The following C3AR1 variants were observed in gnomAD, a reference collection of about 807,000 sequenced individuals.
C3AR1 encodes the protein complement C3a receptor 1.
For missense variants in C3AR1, 579 were observed against 583.5 expected (o/e 0.99, Z 0.08); for synonymous variants, 208 against 225.3 (o/e 0.92, Z 0.69).
chr12:8,065,922 G>T lies in C3AR1; in HGVS notation c.-11+356C>A, dbSNP rs11567810. Among the ~76,000 whole-genome samples the T allele has an allele frequency of 3.8e-3, 561 of 147,372 alleles. 2 individuals carry two copies. Among genetic ancestry groups the T allele is most frequent in the Middle Eastern group, 6.8e-3 (2 of 294 alleles). On this transcript the variant is annotated intron_variant, in intron 1 of 1. Coordinates refer to ENST00000307637, the MANE Select transcript of C3AR1 (RefSeq NM_004054.4). ...CAGTAGCAATAAGGAATGGGCAAAA[G>T]AATAAAAAAAAGAAAGAGGAAATGG...
chr12:8,059,895 G>A lies in C3AR1; in HGVS notation c.291C>T (p.Leu97=). ...QWPYGRFLCK[L]IPSIIVLNMF... ...TGTTGAGGACAATGATGGAGGGGATGAGCTTGCATAGGAACCTGCCGTAGG... is the reference window on the plus strand; with the variant it reads ...TGTTGAGGACAATGATGGAGGGGATAAGCTTGCATAGGAACCTGCCGTAGG... The change falls in exon 2 of 2, where the codon CTC becomes CTT. Residue 97 remains leucine, a synonymous_variant. Transcript: ENST00000307637. 6.2e-7 allele frequency: 1 copy of A among 1,614,188 alleles called. No homozygotes were observed. Among genetic ancestry groups the A allele is most frequent in the Non-Finnish European group, 8.5e-7 (1 of 1,180,030 alleles).
At position 8,058,967 on chromosome 12, in the gene C3AR1, T is replaced by C; in HGVS notation, c.1219A>G (p.Thr407Ala). 1 of 1,613,612 alleles carries C rather than the reference T, an allele frequency of 6.2e-7. No individual in the cohort carries two copies. Among genetic ancestry groups the C allele is most frequent in the Non-Finnish European group, 8.5e-7 (1 of 1,179,950 alleles). Residue 407 changes from threonine to alanine, a missense_variant, in exon 2 of 2, where the codon ACT (threonine) becomes GCT (alanine). Coordinates refer to ENST00000307637, the MANE Select transcript of C3AR1 (RefSeq NM_004054.4). The part of the protein sequence containing the change: ...GVLSLLTDPE[T>A]PLGKTLMSWD... Reference sequence around the variant, plus strand: ...GACATCAGAGTTTTCCCCAAGGGAGTTTCTGGGTCAGTAAGCAATGACAGG... The same window carrying C: ...GACATCAGAGTTTTCCCCAAGGGAGCTTCTGGGTCAGTAAGCAATGACAGG...
At position 8,059,798 on chromosome 12, in the gene C3AR1, A is replaced by T; in HGVS notation, c.388T>A (p.Cys130Ser). Residue 130 changes from cysteine to serine, a missense_variant, in exon 2 of 2, where the codon TGT becomes AGT. Transcript: ENST00000307637. ...RCLVVFKPIW[C>S]QNHRNVGMAC... ...ATCCCTACATTGCGATGATTCTGAC[A>T]CCAGATTGGCTTGAATACCACAAGA... 6.2e-7 allele frequency: 1 copy of T among 1,614,194 alleles called. No homozygotes were observed. The highest frequency in any genetic ancestry group is 8.5e-7 in the Non-Finnish European group (1 of 1,180,038).
Position 8,059,879 on chromosome 12 carries a change from C to T in C3AR1, c.307G>A (p.Val103Ile). Residue 103 changes from valine to isoleucine, a missense_variant, in exon 2 of 2, where the codon GTC becomes ATC. Val to Ile is a conservative substitution (Grantham distance 29). Transcript: ENST00000307637. Reference protein sequence around the residue: ...FLCKLIPSIIVLNMFASVFLL... With the variant: ...FLCKLIPSIIILNMFASVFLL... Reference sequence around the variant, plus strand: ...AAGACACTGGCAAACATGTTGAGGACAATGATGGAGGGGATGAGCTTGCAT... The same window carrying T: ...AAGACACTGGCAAACATGTTGAGGATAATGATGGAGGGGATGAGCTTGCAT... 2 of 1,614,144 alleles carry T rather than the reference C, an allele frequency of 1.2e-6. No individual in the cohort carries two copies. The highest frequency in any genetic ancestry group is 1.7e-6 in the Non-Finnish European group (2 of 1,180,026).
At chr12:8,062,485 A>G (rs1164240990) in intron 1 of C3AR1, among the ~76,000 whole-genome samples, 2 of 151,930 alleles carry the variant, frequency 1.3e-5, no homozygotes, top group Non-Finnish European at 2.9e-5. Flanking sequence ...TTATTTTTCA[A>G]CTGTCCCTAA....
chr12:8,058,781 G>T lies in C3AR1; in HGVS notation c.1405C>A (p.Pro469Thr), dbSNP rs1470025935. 2 of 1,613,930 alleles carry T rather than the reference G, an allele frequency of 1.2e-6. No individual in the cohort carries two copies. Among genetic ancestry groups the T allele is most frequent in the South Asian group, 1.1e-5 (1 of 91,066 alleles). The change falls in exon 2 of 2, where the codon CCC (proline) becomes ACC (threonine). Residue 469 changes from proline (P) to threonine (T), a missense_variant. By Grantham distance (38) the Pro-to-Thr change is conservative (BLOSUM62 -1). Transcript: ENST00000307637. The part of the protein sequence containing the change: ...SEELTRSTHC[P>T]SNNVISERNS... ...CTTTCTGAAATGACATTGTTTGAGG[G>T]ACAGTGGGTGGAACGTGTGAGCTCC...
At position 8,059,894 on chromosome 12, in the gene C3AR1, T is replaced by C. The variant is rs1469739976; in HGVS notation, c.292A>G (p.Ile98Val). The C allele has an allele frequency of 1.2e-6, 2 of 1,613,962 alleles. No homozygotes were observed. The highest frequency in any genetic ancestry group is 3.3e-5 in the Admixed American group (2 of 60,002). Residue 98 changes from isoleucine (I) to valine (V), a missense_variant, in exon 2 of 2, where the codon ATC (isoleucine) becomes GTC (valine). Ile to Val is a conservative substitution (Grantham distance 29). Coordinates refer to ENST00000307637, the MANE Select transcript of C3AR1 (RefSeq NM_004054.4). Reference protein sequence around the residue: ...WPYGRFLCKLIPSIIVLNMFA... With the variant: ...WPYGRFLCKLVPSIIVLNMFA... The stretch of plus-strand genomic sequence containing the variant: ...ATGTTGAGGACAATGATGGAGGGGA[T>C]GAGCTTGCATAGGAACCTGCCGTAG...
intron 1 of C3AR1, among the ~76,000 whole-genome samples, chr12:8,063,765 AC>A (rs1288650082): frequency 2.0e-5 from 3 of 152,128 alleles, no homozygotes; most frequent in Admixed American, 6.6e-5. Context: ...CTTATGAGAC[AC>A]CAAGGTTAAA....
At chr12:8,062,837 C>A (rs1025613112) in intron 1 of C3AR1, among the ~76,000 whole-genome samples, 1 of 150,784 alleles carries the variant, frequency 6.6e-6, no homozygotes, top group African/African-American at 2.4e-5. Flanking sequence ...TAGTAGAGAA[C>A]GGGGTTTCTC....
chr12:8,060,833 C>T (rs1049846297), intron 1 of C3AR1, among the ~76,000 whole-genome samples: 3 of 152,234 alleles, frequency 2.0e-5, no homozygotes, highest in Non-Finnish European at 4.4e-5. Flanking sequence ...CTCCTTTCTT[C>T]ACCCAGTGTG....
intron 1 of C3AR1, among the ~76,000 whole-genome samples, chr12:8,064,008 G>A (rs1233230747): frequency 6.6e-6 from 1 of 151,894 alleles, no homozygotes; most frequent in Non-Finnish European, 1.5e-5. Flanking sequence ...AGAGGTGGAG[G>A]TTGCAGTGAG....
intron 1 of C3AR1, among the ~76,000 whole-genome samples, chr12:8,063,979 C>T (rs780146794): frequency 4.6e-5 from 7 of 151,694 alleles, no homozygotes; most frequent in East Asian, 3.9e-4. Flanking sequence ...GGCTGAGGCA[C>T]GAGAATCGCT....
rs1947244920 is a variant in C3AR1 at position 8,059,594 on chromosome 12, C to G, written c.592G>C (p.Glu198Gln). 2 of 1,614,006 alleles carry G rather than the reference C, an allele frequency of 1.2e-6. No individual in the cohort carries two copies. The highest frequency in any genetic ancestry group is 2.7e-5 in the African/African-American group (2 of 74,912). Residue 198 changes from glutamate to glutamine, a missense_variant, in exon 2 of 2, where the codon GAA (glutamate) becomes CAA (glutamine). By Grantham distance (29) the Glu-to-Gln change is conservative. Transcript: ENST00000307637. Reference sequence around the variant, plus strand: ...TCTCCAGGCGGCTGAACAATGTTTTCAAGAGACCTGTTTTCTAGTGGATCT... The same window carrying G: ...TCTCCAGGCGGCTGAACAATGTTTTGAAGAGACCTGTTTTCTAGTGGATCT... ...YGDPLENRSL[E>Q]NIVQPPGEMN...
rs143152698 is a variant in C3AR1, at chr12:8,059,539, A to G, written c.647T>C (p.Phe216Ser). Residue 216 changes from phenylalanine to serine, a missense_variant, in exon 2 of 2, where the codon TTC becomes TCC. Coordinates refer to ENST00000307637, the MANE Select transcript of C3AR1 (RefSeq NM_004054.4). ...TGTCCAAGGATGATCATTTGTTTGGAAAGAGGAAGGATCTAACCTATCATT... is the reference window on the plus strand; with the variant it reads ...TGTCCAAGGATGATCATTTGTTTGGGAAGAGGAAGGATCTAACCTATCATT... ...EMNDRLDPSS[F>S]QTNDHPWTVP... 5 of 1,614,190 alleles carry G rather than the reference A, an allele frequency of 3.1e-6. No homozygotes were observed. The highest frequency in any genetic ancestry group is 2.2e-5 in the East Asian group (1 of 44,880).
intron 1 of C3AR1, among the ~76,000 whole-genome samples, chr12:8,062,723 C>A (rs1008953311): frequency 1.3e-5 from 2 of 152,150 alleles, no homozygotes; most frequent in Non-Finnish European, 2.9e-5. Context: ...TGGCTCACTG[C>A]AACCTCCTCC....
rs11567798 is a variant in C3AR1 at position 8,063,173 on chromosome 12, A to G, written c.-10-2978T>C. ...GGGTTTCACCATGTTAGCCAGGATG[A>G]TCTTGATTTCCTGACCTGGTGATCC... On this transcript the variant is annotated intron_variant, in intron 1 of 1. Transcript: ENST00000307637. 9.5e-3 allele frequency among the ~76,000 whole-genome samples: 1,381 copies of G among 144,968 alleles called. 12 individuals carry two copies. Among genetic ancestry groups the G allele is most frequent in the African/African-American group, 0.029 (1,122 of 38,938 alleles).
Position 8,058,581 on chromosome 12 carries a change from G to A in C3AR1, c.*156C>T. 1 of 782,518 alleles carries A rather than the reference G, an allele frequency of 1.3e-6. No individual in the cohort carries two copies. The highest frequency in any genetic ancestry group is 2.0e-6 in the Non-Finnish European group (1 of 492,906). The allele number at this position is 782,518 out of a possible 1,614,324, so 48.5% of individuals were successfully genotyped here. A position where few individuals can be genotyped will look rare whatever the true frequency, so the allele number is the denominator to read the frequency against. ...TTGCATTTCTAACAAGTTTCTAGGT[G>A]ATGCTGATGTCAATAGTCTGTGTAC... On this transcript the variant is annotated 3_prime_UTR_variant, in exon 2 of 2. Transcript: ENST00000307637.
At position 8,059,257 on chromosome 12, in the gene C3AR1, A is replaced by C; in HGVS notation, c.929T>G (p.Leu310Arg). 1 of 1,614,188 alleles carries C rather than the reference A, an allele frequency of 6.2e-7. No homozygotes were observed. Among genetic ancestry groups the C allele is most frequent in the Non-Finnish European group, 8.5e-7 (1 of 1,180,010 alleles). The change falls in exon 2 of 2, where the codon CTA (leucine) becomes CGA (arginine). Residue 310 changes from leucine to arginine, a missense_variant. By Grantham distance (102) the Leu-to-Arg change is moderately radical (BLOSUM62 -2). Coordinates refer to ENST00000307637, the MANE Select transcript of C3AR1 (RefSeq NM_004054.4). Reference sequence around the variant, plus strand: ...GTAATAATCCTGGAAACCTTGTGGTAGCTCAGACTCGTAGAAGGAATTGCT... The same window carrying C: ...GTAATAATCCTGGAAACCTTGTGGTCGCTCAGACTCGTAGAAGGAATTGCT... ...ASSNSFYESE[L>R]PQGFQDYYNL...
At chr12:8,064,125 G>A (rs1342598113) in intron 1 of C3AR1, among the ~76,000 whole-genome samples, 1 of 152,010 alleles carries the variant, frequency 6.6e-6, no homozygotes, top group African/African-American at 2.4e-5. Context: ...CCATTTTGGG[G>A]GTTGACTTTT....
Sources: gnomAD v4.1 joint callset for allele counts (sites outside exome capture counted in the v4.1 genomes callset) on GRCh38, gnomAD v4.1.1 for gene constraint, MANE v1.5 for transcripts, NCBI Gene and HGNC (gene_info 2026-07-23, HGNC 2026-07-21) for gene names.